MSRA: variants seen among roughly 807,000 people sequenced by gnomAD.
The protein encoded by MSRA is mitochondrial peptide methionine sulfoxide reductase.
MSRA carries 54 observed loss-of-function variants against 31.3 expected under a neutral mutation model. That is an observed-to-expected ratio of 1.73 (90% CI 1.39 to 2.17). MSRA has a LOEUF of 2.17. Among genes scored for constraint, MSRA ranks in the 30% most tolerant of loss-of-function variants. MSRA has a pLI of 0.00. For missense variants in MSRA, 507 were observed against 300.9 expected (o/e 1.69, Z -5.07); for synonymous variants, 169 against 116.5 (o/e 1.45, Z -2.90).
In MSRA at chr8:10,083,530, A is replaced by T. The variant is rs80286405; in HGVS notation, c.142+28872A>T. 4.8e-3 allele frequency among the ~76,000 whole-genome samples: 737 copies of T among 152,306 alleles called. 9 individuals carry two copies. The highest frequency in any genetic ancestry group is 0.017 in the African/African-American group (713 of 41,566). ...TTTCTCCAGGGAAATAAGAAATCAC[A>T]TTTTTTCAAGGGTGAATCATAAACC... On this transcript the variant is annotated intron_variant, in intron 1 of 5. Coordinates refer to ENST00000317173, the MANE Select transcript of MSRA (RefSeq NM_012331.5).
rs535445834 is a variant in MSRA, at chr8:10,122,006, G to A, written c.142+67348G>A. Among the ~76,000 whole-genome samples, 251 of 152,132 alleles carry A rather than the reference G, an allele frequency of 1.6e-3. 8 individuals are homozygous for A. In the South Asian group the frequency reaches 0.048, roughly 29 times the overall value. On this transcript the variant is annotated intron_variant, in intron 1 of 5. Coordinates refer to ENST00000317173, the MANE Select transcript of MSRA (RefSeq NM_012331.5). ...TTTGTAGGACTTTTAGAAAACATGG[G>A]GTTGTGCCTTTGGCCACACGCATGC...
chr8:10,189,230 A>G (rs577763073), intron 1 of MSRA, among the ~76,000 whole-genome samples: 1 of 152,340 alleles, frequency 6.6e-6, no homozygotes, highest in Admixed American at 6.5e-5. Flanking sequence ...TGAGCTTGGT[A>G]AACTTTTTAG....
intron 1 of MSRA, among the ~76,000 whole-genome samples, chr8:10,074,925 C>T (rs1319737497): frequency 6.6e-6 from 1 of 152,006 alleles, no homozygotes; most frequent in Non-Finnish European, 1.5e-5. Flanking sequence ...TCCCGAAGTG[C>T]TGGGATTACA....
chr8:10,146,045 C>T (rs1237629459), intron 1 of MSRA, among the ~76,000 whole-genome samples: 1 of 152,198 alleles, frequency 6.6e-6, no homozygotes, highest in Non-Finnish European at 1.5e-5. Context: ...GTACCTACTA[C>T]ATGCAAACAG....
At chr8:10,258,963 C>G (rs574973536) in intron 3 of MSRA, among the ~76,000 whole-genome samples, 1 of 152,010 alleles carries the variant, frequency 6.6e-6, no homozygotes, top group African/African-American at 2.4e-5. Context: ...AAAAACTAGC[C>G]GGGTGTGGTG....
intron 1 of MSRA, among the ~76,000 whole-genome samples, chr8:10,089,756 C>T (rs1054793379): frequency 9.9e-5 from 15 of 152,186 alleles, no homozygotes; most frequent in African/African-American, 3.4e-4. Context: ...AAAGGAGAAG[C>T]GAGCACCTGC....
chr8:10,205,289 C>T lies in MSRA; in HGVS notation c.143-2544C>T, dbSNP rs541187295. 1.1e-3 allele frequency among the ~76,000 whole-genome samples: 160 copies of T among 150,354 alleles called. 1 individual carries two copies. In the South Asian group the frequency reaches 0.016, roughly 15 times the overall value. ...ATGACATTTGGGGCTAGGGAGGCTTCGGTAATGAAAAAAAGAAGTGAGGGG... is the reference window on the plus strand; with the variant it reads ...ATGACATTTGGGGCTAGGGAGGCTTTGGTAATGAAAAAAAGAAGTGAGGGG... On this transcript the variant is annotated intron_variant, in intron 1 of 5. Coordinates refer to ENST00000317173, the MANE Select transcript of MSRA (RefSeq NM_012331.5).
chr8:10,377,964 C>G (rs1805844603), intron 5 of MSRA, among the ~76,000 whole-genome samples: 2 of 152,254 alleles, frequency 1.3e-5, no homozygotes, highest in South Asian at 4.1e-4. Context: ...GTGTGACTCC[C>G]ACACTGGGAG....
At chr8:10,091,038 G>T in intron 1 of MSRA, among the ~76,000 whole-genome samples, 1 of 152,160 alleles carries the variant, frequency 6.6e-6, no homozygotes. Flanking sequence ...AGAGATGATC[G>T]TGTGGGTTCT....
rs539077581 is a variant in MSRA at position 10,305,985 on chromosome 8, T to C, written c.436+4347T>C. Reference sequence around the variant, plus strand: ...TTTTGCTGAAACATTTGAATCCCACTGTTTAAGCCAATAGGTTCTATTCTG... The same window carrying C: ...TTTTGCTGAAACATTTGAATCCCACCGTTTAAGCCAATAGGTTCTATTCTG... On this transcript the variant is annotated intron_variant, in intron 4 of 5. Coordinates refer to ENST00000317173, the MANE Select transcript of MSRA (RefSeq NM_012331.5). Among the ~76,000 whole-genome samples the C allele has an allele frequency of 3.3e-5, 5 of 152,342 alleles. No individual in the cohort carries two copies. In the South Asian group the frequency reaches 8.3e-4, roughly 25 times the overall value.
chr8:10,189,172 C>T (rs1229102679), intron 1 of MSRA, among the ~76,000 whole-genome samples: 1 of 152,142 alleles, frequency 6.6e-6, no homozygotes, highest in Non-Finnish European at 1.5e-5. Flanking sequence ...TCATTTGTTG[C>T]TACTATGTAA....
chr8:10,350,758 G>C (rs916887676), intron 5 of MSRA, among the ~76,000 whole-genome samples: 1 of 152,176 alleles, frequency 6.6e-6, no homozygotes, highest in Admixed American at 6.5e-5. Context: ...GGAGCAGACC[G>C]AGCCCCCAGC....
At chr8:10,137,840 G>C (rs1194389650) in intron 1 of MSRA, among the ~76,000 whole-genome samples, 1 of 152,128 alleles carries the variant, frequency 6.6e-6, no homozygotes, top group Non-Finnish European at 1.5e-5. Flanking sequence ...GATCCCTTAA[G>C]TAAATACAAA....
intron 5 of MSRA, chr8:10,336,748 C>T (rs1213912698): frequency 1.3e-5 from 2 of 151,988 alleles, no homozygotes; most frequent in Non-Finnish European, 2.9e-5. Flanking sequence ...TTATTTTTAC[C>T]TTTGTGTGTG....
At chr8:10,310,274 A>C (rs1801364427) in intron 4 of MSRA, among the ~76,000 whole-genome samples, 2 of 152,240 alleles carry the variant, frequency 1.3e-5, no homozygotes, top group Admixed American at 1.3e-4. Flanking sequence ...CAAACCCAGC[A>C]TTATGAATTC....
chr8:10,207,493 C>G (rs1346786625), intron 1 of MSRA, among the ~76,000 whole-genome samples: 1 of 152,188 alleles, frequency 6.6e-6, no homozygotes. Context: ...GAAGTTGGAG[C>G]TTTGCTTGTT....
chr8:10,348,796 C>T (rs775566775), intron 5 of MSRA, among the ~76,000 whole-genome samples: 4 of 152,146 alleles, frequency 2.6e-5, no homozygotes, highest in Non-Finnish European at 5.9e-5. Flanking sequence ...AATTGGGGAT[C>T]AACAGGTATC....
intron 5 of MSRA, among the ~76,000 whole-genome samples, chr8:10,344,519 A>G (rs995535319): frequency 7.1e-6 from 1 of 141,458 alleles, no homozygotes; most frequent in Non-Finnish European, 1.5e-5. Flanking sequence ...GATTGCATCA[A>G]TCCGAGATTG....
At position 10,301,556 on chromosome 8, in the gene MSRA, C is replaced by T. The variant is rs561150329; in HGVS notation, c.354C>T (p.Val118=). 2.0e-5 allele frequency: 32 copies of T among 1,613,732 alleles called. No homozygotes were observed. Among genetic ancestry groups the T allele is most frequent in the Non-Finnish European group, 2.4e-5 (28 of 1,179,940 alleles). Residue 118 remains valine (V), a synonymous_variant, in exon 4 of 6, where the codon GTC becomes GTT. Transcript: ENST00000317173. ...VCSEKTGHAE[V]VRVVYQPEHM... ...AAGAAAAAACTGGCCATGCAGAAGT[C>T]GTCCGAGTGGTGTACCAGCCAGAAC... is the stretch of plus-strand genomic sequence containing the variant.
Sources: allele counts gnomAD v4.1 joint callset (sites outside exome capture counted in the v4.1 genomes callset), GRCh38; gene constraint gnomAD v4.1.1; transcripts MANE v1.5; gene names NCBI Gene and HGNC (gene_info 2026-07-23, HGNC 2026-07-21).